DNAH10: variants seen among roughly 807,000 people sequenced by gnomAD.
DNAH10 encodes the protein dynein axonemal heavy chain 10.
A neutral mutation model predicts 506.6 loss-of-function variants in DNAH10; 348 were observed. The ratio of observed to expected loss-of-function variants is 0.69; its 90% CI spans 0.63 to 0.75. The LOEUF is 0.75. Ranked by LOEUF, DNAH10 falls within the 30% of genes least tolerant of loss-of-function variation. The pLI, the probability that DNAH10 is intolerant of heterozygous loss-of-function variation, is 0.00. For missense variants in DNAH10, 5,179 were observed against 5,787.1 expected, an observed-to-expected ratio of 0.89 and a Z score of 3.41; for synonymous variants, 2,059 against 2,198.6, an observed-to-expected ratio of 0.94 and a Z score of 1.78.
intron 25 of DNAH10, 142 bp downstream of exon 25, chr12:123,827,040 C>A: frequency 1.5e-6 from 1 of 676,164 alleles, no homozygotes; most frequent in Non-Finnish European, 2.4e-6. Flanking sequence ...GGGCACGACA[C>A]AGTTCTATAA....
chr12:123,841,628 G>A lies in DNAH10; in HGVS notation c.5360+83G>A, dbSNP rs556550738. The A allele has an allele frequency of 4.5e-6, 6 of 1,342,396 alleles. No homozygotes were observed. The African/African-American group carries it at 5.8e-5, about 13-fold the overall frequency. 83.2% of individuals were successfully genotyped at this position (1,342,396 alleles called of 1,614,324 possible). ...AATTTTAAAGGCTTGGAGTAGATTG[G>A]CTGACATTCCAAATGAGGTTTTGTT... On this transcript the variant is annotated intron_variant, in intron 30 of 78. Transcript: ENST00000673944.
Position 123,917,611 on chromosome 12 carries a change from T to C in DNAH10, c.11030T>C (p.Leu3677Pro). The change falls in exon 64 of 79, where the codon CTG becomes CCG. Residue 3677 changes from leucine to proline, a missense_variant. Leu to Pro is a moderately conservative substitution (Grantham distance 98, BLOSUM62 -3). Around this residue, in one of 3 missense-constraint regions of DNAH10, gnomAD observed 4,844 missense variants for 5,430.5 expected, o/e 0.89. Transcript: ENST00000673944. The surrounding 1 kb of genome is among the most constrained non-coding windows in gnomAD (Gnocchi z 5.6). Reference sequence around the variant, plus strand: ...ACGCTGAAGGGCCTGGAGGACCAGCTGCTGAGCGTGCTGGTGGCTTACGAG... The same window carrying C: ...ACGCTGAAGGGCCTGGAGGACCAGCCGCTGAGCGTGCTGGTGGCTTACGAG... ...TVTLKGLEDQLLSVLVAYERR... is the reference protein window; with the variant it reads ...TVTLKGLEDQPLSVLVAYERR... 1 of 1,551,594 alleles carries C rather than the reference T, an allele frequency of 6.4e-7. No individual in the cohort carries two copies.
At position 123,801,311 on chromosome 12, in the gene DNAH10, T is replaced by C; in HGVS notation, c.2493T>C (p.Asp831=). 1 of 1,614,150 alleles carries C rather than the reference T, an allele frequency of 6.2e-7. No individual in the cohort carries two copies. The highest frequency in any genetic ancestry group is 8.5e-7 in the Non-Finnish European group (1 of 1,180,020). Residue 831 remains aspartate (D), a synonymous_variant, in exon 16 of 79, where the codon GAT becomes GAC. Transcript: ENST00000673944. Reference sequence around the variant, plus strand: ...CAGCTGGGATACAGCGCATGTTGGATCATTATCACATGCTCATAGGAACGT... The same window carrying C: ...CAGCTGGGATACAGCGCATGTTGGACCATTATCACATGCTCATAGGAACGT... The part of the protein sequence containing the change: ...RYTAGIQRML[D]HYHMLIGTLN...
At chr12:123,791,717 C>T (rs1483799940) in intron 11 of DNAH10, among the ~76,000 whole-genome samples, 1 of 152,190 alleles carries the variant, frequency 6.6e-6, no homozygotes, top group South Asian at 2.1e-4. Context: ...GTTGGGACCA[C>T]AAGCATGTGT....
At chr12:123,817,189 T>C (rs542735243) in intron 21 of DNAH10, among the ~76,000 whole-genome samples, 1 of 151,404 alleles carries the variant, frequency 6.6e-6, no homozygotes, top group African/African-American at 2.4e-5. Flanking sequence ...AACTAGGTTC[T>C]TTTGTTTTGT....
At chr12:123,885,013 C>T (rs1229916340) in intron 51 of DNAH10, among the ~76,000 whole-genome samples, 1 of 152,100 alleles carries the variant, frequency 6.6e-6, no homozygotes, top group Non-Finnish European at 1.5e-5. Flanking sequence ...TCTCAATAAA[C>T]CCATCATAAG....
chr12:123,801,346 C>G lies in DNAH10; in HGVS notation c.2528C>G (p.Ala843Gly), dbSNP rs760322459. ...YHMLIGTLND[A>G]ESVLLKDHSQ... ...ATGCTCATAGGAACGTTAAACGATGCGGAGTCTGTGCTTCTCAAAGATCAT... is the reference window on the plus strand; with the variant it reads ...ATGCTCATAGGAACGTTAAACGATGGGGAGTCTGTGCTTCTCAAAGATCAT... The change falls in exon 16 of 79, where the codon GCG becomes GGG. Residue 843 changes from alanine (A) to glycine (G), a missense_variant. Physicochemically the swap from Ala to Gly is moderately conservative, Grantham distance 60. Coordinates refer to ENST00000673944, the MANE Select transcript of DNAH10 (RefSeq NM_001372106.1). The G allele has an allele frequency of 1.2e-6, 2 of 1,613,978 alleles. No individual in the cohort carries two copies. Among genetic ancestry groups the G allele is most frequent in the Non-Finnish European group, 1.7e-6 (2 of 1,180,022 alleles).
chr12:123,931,995 C>T lies in DNAH10; in HGVS notation c.13183C>T (p.Leu4395Phe), dbSNP rs770607723. Residue 4395 changes from leucine (L) to phenylalanine (F), a missense_variant, in exon 76 of 79, where the codon CTT becomes TTT. This residue lies in a region of DNAH10 where 4,844 missense variants were observed against 5,430.5 expected (regional missense o/e 0.89). Coordinates refer to ENST00000673944, the MANE Select transcript of DNAH10 (RefSeq NM_001372106.1). ...SNELDDVARS[L>F]FIGHIPNIWR... ...TGAGTTAGATGATGTGGCCAGGTCT[C>T]TTTTTATCGGGCATATCCCTAATAT... 1 of 1,614,040 alleles carries T rather than the reference C, an allele frequency of 6.2e-7. No individual in the cohort carries two copies. The highest frequency in any genetic ancestry group is 1.1e-5 in the South Asian group (1 of 91,084).
chr12:123,926,185 A>G lies in DNAH10; in HGVS notation c.11922-452A>G, dbSNP rs1954931594. ...GTTTGAGGCTGCAGTGAGCTGTGATAGTACCACTGTACTCCAGCCTGGGCA... is the reference window on the plus strand; with the variant it reads ...GTTTGAGGCTGCAGTGAGCTGTGATGGTACCACTGTACTCCAGCCTGGGCA... On this transcript the variant is annotated intron_variant, in intron 68 of 78. Transcript: ENST00000673944. This position sits in a 1 kb window ranked among gnomAD's most constrained non-coding sequence, Gnocchi z 4.1. 6.6e-6 allele frequency: 1 copy of G among 152,498 alleles called. No individual in the cohort carries two copies. The highest frequency in any genetic ancestry group is 2.4e-5 in the African/African-American group (1 of 41,294). 9.4% of individuals were successfully genotyped at this position (152,498 alleles called of 1,614,324 possible). A position where few individuals can be genotyped will look rare whatever the true frequency, so the allele number is the denominator to read the frequency against.
Position 123,787,801 on chromosome 12 carries a change from C to T in DNAH10, c.1422-3C>T. 1 of 1,613,128 alleles carries T rather than the reference C, an allele frequency of 6.2e-7. No individual in the cohort carries two copies. The highest frequency in any genetic ancestry group is 8.5e-7 in the Non-Finnish European group (1 of 1,179,690). ...CCCATCACGGCATCTCTTGGCTTCG[C>T]AGAGAAAATCGAGCGAGTGCCCAAA... On this transcript the variant is annotated splice_polypyrimidine_tract_variant and splice_region_variant and intron_variant, in intron 9 of 78. Coordinates refer to ENST00000673944, the MANE Select transcript of DNAH10 (RefSeq NM_001372106.1). This position sits in a 1 kb window ranked among gnomAD's most constrained non-coding sequence, Gnocchi z 4.6.
At chr12:123,905,390 A>G (rs556007210) in intron 57 of DNAH10, among the ~76,000 whole-genome samples, 27 of 152,222 alleles carry the variant, frequency 1.8e-4, no homozygotes, top group Non-Finnish European at 3.8e-4. Context: ...CATTTCTGGA[A>G]GTGGAATTGC....
At chr12:123,927,853 C>T (rs895346364) in intron 69 of DNAH10, 1 of 154,828 alleles carries the variant, frequency 6.5e-6, no homozygotes, top group Non-Finnish European at 1.4e-5. Context: ...GCTCTCTCAA[C>T]CACAACACTG....
intron 30 of DNAH10, 123 bp downstream of exon 30, chr12:123,841,668 C>T (rs1180786389): frequency 2.8e-5 from 22 of 785,876 alleles, no homozygotes. Context: ...TGCAATAGGT[C>T]ATTAGTGGAC....
chr12:123,793,377 C>T (rs181269691), intron 11 of DNAH10, among the ~76,000 whole-genome samples: 52 of 104,122 alleles, frequency 5.0e-4, no homozygotes, highest in African/African-American at 1.6e-3. Context: ...CTCGCTCTGT[C>T]GCCCAGGCTG....
intron 42 of DNAH10, 96 bp from the exon 43 acceptor site, chr12:123,867,807 A>C: frequency 7.2e-7 from 1 of 1,387,534 alleles, no homozygotes. Flanking sequence ...TTATGCTCCC[A>C]TCGCTCTGGG....
chr12:123,889,987 C>A (rs1372722499), intron 52 of DNAH10, among the ~76,000 whole-genome samples: 2 of 152,168 alleles, frequency 1.3e-5, no homozygotes, highest in African/African-American at 4.8e-5. Flanking sequence ...CCCCTGTGAT[C>A]GTCTCCAGCC....
At position 123,910,595 on chromosome 12, in the gene DNAH10, C is replaced by G; in HGVS notation, c.10057C>G (p.Leu3353Val). 6.2e-7 allele frequency: 1 copy of G among 1,613,558 alleles called. No homozygotes were observed. The highest frequency in any genetic ancestry group is 8.5e-7 in the Non-Finnish European group (1 of 1,179,856). Residue 3353 changes from leucine to valine, a missense_variant, in exon 59 of 79, where the codon CTG (leucine) becomes GTG (valine). Coordinates refer to ENST00000673944, the MANE Select transcript of DNAH10 (RefSeq NM_001372106.1). Reference protein sequence around the residue: ...EEMEAVSKAGLGMLKFVEAVM... With the variant: ...EEMEAVSKAGVGMLKFVEAVM... ...AATGGAAGCTGTCAGCAAAGCCGGG[C>G]TGGGGATGCTGAAATTTGTTGAAGC...
chr12:123,790,794 G>A (rs1486379354), intron 11 of DNAH10, among the ~76,000 whole-genome samples: 1 of 152,160 alleles, frequency 6.6e-6, no homozygotes, highest in Non-Finnish European at 1.5e-5. Context: ...GTAGGCAAGA[G>A]GGTGCCATTG....
chr12:123,874,344 C>T (rs1952157589), intron 46 of DNAH10, among the ~76,000 whole-genome samples: 1 of 150,978 alleles, frequency 6.6e-6, no homozygotes, highest in African/African-American at 2.4e-5. Context: ...TTCTTCCATT[C>T]ATCCATCCAT....
Sources: allele counts gnomAD v4.1 joint callset (sites outside exome capture counted in the v4.1 genomes callset), GRCh38; gene constraint gnomAD v4.1.1; regional missense constraint gnomAD v4.1.1; non-coding constraint Gnocchi (gnomAD v3.1); transcripts MANE v1.5; gene names NCBI Gene and HGNC (gene_info 2026-07-23, HGNC 2026-07-21).